CNTN3: variants seen among roughly 807,000 people sequenced by gnomAD.
CNTN3 encodes contactin-3.
Under a neutral mutation model 119.1 loss-of-function variants are expected in CNTN3, and 60 were observed. The observed-to-expected ratio is 0.50, with a 90% CI of 0.41 to 0.62. The LOEUF (loss-of-function observed/expected upper bound fraction) is 0.62. CNTN3 is among the 20% of genes least tolerant of loss of function. CNTN3 has a pLI of 0.00. For missense variants in CNTN3, 1,101 were observed against 1,242.4 expected (o/e 0.89, Z 1.71); for synonymous variants, 450 against 438.7 (o/e 1.03, Z -0.32).
intron 20 of CNTN3, among the ~76,000 whole-genome samples, chr3:74,280,257 G>A (rs1260903879): frequency 2.0e-5 from 3 of 152,170 alleles, no homozygotes; most frequent in Non-Finnish European, 4.4e-5. Flanking sequence ...ACATGGATGA[G>A]CATTTCATTT....
chr3:74,591,606 G>C (rs1297721594), intron 1 of CNTN3, among the ~76,000 whole-genome samples: 2 of 151,798 alleles, frequency 1.3e-5, no homozygotes, highest in Middle Eastern at 3.2e-3. Context: ...TGGCAAGATG[G>C]AGCTGAGGAA....
chr3:74,293,777 T>G (rs1384649387), intron 19 of CNTN3, among the ~76,000 whole-genome samples: 2 of 152,188 alleles, frequency 1.3e-5, no homozygotes, highest in Non-Finnish European at 2.9e-5. Context: ...ACCTGGCTTA[T>G]TCTGCCCTCT....
intron 11 of CNTN3, among the ~76,000 whole-genome samples, chr3:74,351,650 T>C (rs1231453716): frequency 1.3e-5 from 2 of 152,214 alleles, no homozygotes; most frequent in African/African-American, 2.4e-5. Flanking sequence ...TAGGCATTAA[T>C]AATTCATGTA....
rs1414091715 is a variant in CNTN3 at position 74,499,682 on chromosome 3, T to C, written c.159A>G (p.Arg53=). 4 of 1,610,826 alleles carry C rather than the reference T, an allele frequency of 2.5e-6. No individual in the cohort carries two copies. Among genetic ancestry groups the C allele is most frequent in the Non-Finnish European group, 2.5e-6 (3 of 1,178,234 alleles). ...ACCTGTAATGAGGTGATGGATTGCC[T>C]CTTGCTTCACAATGCAAAGTTATTT... is the stretch of plus-strand genomic sequence containing the variant. ...DKKITLHCEA[R]GNPSPHYRWQ... The change falls in exon 3 of 23, where the codon AGA becomes AGG. Residue 53 remains arginine, a synonymous_variant. Transcript: ENST00000263665.
In CNTN3 at chr3:74,357,669, G is replaced by C. The variant is rs532544955; in HGVS notation, c.1364+4221C>G. ...TGAATGATACATATATAGAATATTG[G>C]CTTAATCAAAATGTATTTGCTGCCA... On this transcript the variant is annotated intron_variant, in intron 11 of 22. Coordinates refer to ENST00000263665, the MANE Select transcript of CNTN3 (RefSeq NM_020872.3). 7.0e-4 allele frequency among the ~76,000 whole-genome samples: 106 copies of C among 152,176 alleles called. 1 individual carries two copies. The highest frequency in any genetic ancestry group is 8.2e-4 in the Non-Finnish European group (56 of 68,030).
Position 74,549,675 on chromosome 3 carries a change from T to C in CNTN3, c.-80-28483A>G, listed in dbSNP as rs567924497. On this transcript the variant is annotated intron_variant, in intron 1 of 22. Transcript: ENST00000263665. The stretch of plus-strand genomic sequence containing the variant: ...TAGGCCTCTTCTGAATACTCTAACC[T>C]GTGCACCAGGGGACACAAAGGTTGC... 2.0e-5 allele frequency among the ~76,000 whole-genome samples: 3 copies of C among 152,230 alleles called. No individual in the cohort carries two copies. The South Asian group carries it at 6.2e-4, about 32-fold the overall frequency.
At position 74,582,783 on chromosome 3, in the gene CNTN3, T is replaced by TTGTGTGTGTGTGTGTGTG. The variant is rs60306845; in HGVS notation, c.-81+31590_-81+31607dup. 3.5e-4 allele frequency among the ~76,000 whole-genome samples: 51 copies of TTGTGTGTGTGTGTGTGTG among 145,086 alleles called. No individual in the cohort carries two copies. In the Middle Eastern group the frequency reaches 0.014, roughly 41 times the overall value. On this transcript the variant is annotated intron_variant, in intron 1 of 22. Transcript: ENST00000263665. ...ACCCATCAAGTGCATGTGTATGCAT[T>TTGTGTGTGTGTGTGTGTG]TGTGTGTGTGTGTGTGTGTGTGTGT...
chr3:74,298,917 T>C (rs542696924), intron 17 of CNTN3, among the ~76,000 whole-genome samples: 1 of 137,668 alleles, frequency 7.3e-6, no homozygotes, highest in African/African-American at 2.9e-5. Flanking sequence ...GGGAAGTAAA[T>C]ACTAATTTAT....
chr3:74,428,123 T>C (rs1339981052), intron 4 of CNTN3, among the ~76,000 whole-genome samples: 1 of 152,174 alleles, frequency 6.6e-6, no homozygotes, highest in Non-Finnish European at 1.5e-5. Context: ...AAACCTACTA[T>C]GCTGCCAGTC....
At chr3:74,578,520 C>A (rs75652894) in intron 1 of CNTN3, among the ~76,000 whole-genome samples, 1,577 of 152,076 alleles carry the variant, frequency 0.01, 34 homozygotes, top group African/African-American at 0.036. Flanking sequence ...TTTGCAAGTT[C>A]ATTTACAAGA....
chr3:74,335,351 C>T (rs1703365478), intron 12 of CNTN3, among the ~76,000 whole-genome samples: 1 of 152,016 alleles, frequency 6.6e-6, no homozygotes, highest in South Asian at 2.1e-4. Flanking sequence ...AGATATAATA[C>T]AAAAGATGCT....
At chr3:74,317,695 G>A (rs1702870900) in intron 13 of CNTN3, among the ~76,000 whole-genome samples, 1 of 152,188 alleles carries the variant, frequency 6.6e-6, no homozygotes, top group South Asian at 2.1e-4. Flanking sequence ...TAGAGTTTCT[G>A]TGGAGAGATC....
intron 18 of CNTN3, among the ~76,000 whole-genome samples, chr3:74,297,129 C>A (rs1052391725): frequency 6.6e-6 from 1 of 151,984 alleles, no homozygotes; most frequent in East Asian, 1.9e-4. Flanking sequence ...AATGAGATAC[C>A]GCTGCTCCTG....
chr3:74,573,694 T>A (rs1704369851), intron 1 of CNTN3, among the ~76,000 whole-genome samples: 1 of 151,348 alleles, frequency 6.6e-6, no homozygotes, highest in Admixed American at 6.6e-5. Context: ...ATGTTTAACA[T>A]CATTGGTCAT....
chr3:74,473,709 G>A (rs773603338), intron 4 of CNTN3, among the ~76,000 whole-genome samples: 4 of 152,194 alleles, frequency 2.6e-5, no homozygotes, highest in Admixed American at 1.3e-4. Context: ...AATCAAAACT[G>A]TGGTGAAAAT....
chr3:74,472,124 G>A (rs909149033), intron 4 of CNTN3, among the ~76,000 whole-genome samples: 8 of 152,056 alleles, frequency 5.3e-5, no homozygotes, highest in Non-Finnish European at 1.2e-4. Flanking sequence ...AACATTCTAT[G>A]CTCATATAAT....
At chr3:74,289,756 T>C (rs1280210585) in intron 19 of CNTN3, among the ~76,000 whole-genome samples, 3 of 152,202 alleles carry the variant, frequency 2.0e-5, no homozygotes, top group African/African-American at 4.8e-5. Context: ...AGCAACAGGG[T>C]AGCAGAGCCC....
Position 74,336,532 on chromosome 3 carries a change from C to A in CNTN3, c.1491G>T (p.Thr497=). ...GCAATATTTTAGAAATGGACCTACC[C>A]GTAACAACCAAATGTGTTGTGCCAT... is the stretch of plus-strand genomic sequence containing the variant. ...KANGTTHLVV[T]EPTRITLAPS... The change falls in exon 12 of 23, where the codon ACG becomes ACT. Residue 497 remains threonine, a splice_region_variant and synonymous_variant. Coordinates refer to ENST00000263665, the MANE Select transcript of CNTN3 (RefSeq NM_020872.3). 1 of 1,611,714 alleles carries A rather than the reference C, an allele frequency of 6.2e-7. No individual in the cohort carries two copies.
At position 74,267,249 on chromosome 3, in the gene CNTN3, C is replaced by T. The variant is rs1363630580; in HGVS notation, c.2817+17G>A. ...CCAAAATTACGAAAATGAAGCATTG[C>T]AAATGAGAAAACTTACTTTATATCC... On this transcript the variant is annotated intron_variant, in intron 21 of 22. Coordinates refer to ENST00000263665, the MANE Select transcript of CNTN3 (RefSeq NM_020872.3). The T allele has an allele frequency of 1.9e-6, 3 of 1,553,922 alleles. No individual in the cohort carries two copies. Among genetic ancestry groups the T allele is most frequent in the East Asian group, 2.2e-5 (1 of 44,508 alleles).
Sources: allele counts gnomAD v4.1 joint callset (sites outside exome capture counted in the v4.1 genomes callset), GRCh38; gene constraint gnomAD v4.1.1; transcripts MANE v1.5; gene names NCBI Gene and HGNC (gene_info 2026-07-23, HGNC 2026-07-21).